The following ZNF420 variants were observed in gnomAD, a reference collection of about 807,000 sequenced individuals.
ZNF420 encodes ATM and p53-associated KZNF protein.
Under a neutral mutation model 44.7 loss-of-function variants are expected in ZNF420, and 31 were observed. That is an observed-to-expected ratio of 0.69 (90% CI 0.52 to 0.94). The LOEUF is 0.94. Among genes scored for constraint, ZNF420 ranks in the 40% least tolerant of loss-of-function variants. ZNF420 has a pLI of 0.00. For missense variants in ZNF420, 681 were observed against 827.9 expected (o/e 0.82, Z 2.18); for synonymous variants, 245 against 267.4 (o/e 0.92, Z 0.82).
In ZNF420 at chr19:37,127,492, T is replaced by C; in HGVS notation, c.501T>C (p.Tyr167=). ...HQSIHTGEKP[Y]ECKQCGKAFS... is the part of the protein sequence containing the mutation. ...GTATTCATACTGGTGAAAAACCCTA[T>C]GAATGTAAGCAATGCGGGAAGGCCT... The change falls in exon 5 of 5, where the codon TAT becomes TAC. Residue 167 remains tyrosine, a synonymous_variant. Transcript: ENST00000337995. 6.2e-7 allele frequency: 1 copy of C among 1,614,036 alleles called. No homozygotes were observed. The highest frequency in any genetic ancestry group is 8.5e-7 in the Non-Finnish European group (1 of 1,179,944).
At chr19:37,071,923 A>C (rs1278534164) in intron 1 of ZNF420, among the ~76,000 whole-genome samples, 4 of 152,254 alleles carry the variant, frequency 2.6e-5, no homozygotes, top group Non-Finnish European at 5.9e-5. Flanking sequence ...TATTTAATAG[A>C]AACTATCTTT....
chr19:37,034,902 AGCCTTGTTCAGAAGATT>A (rs1252576279), intron 1 of ZNF420, among the ~76,000 whole-genome samples: 1 of 152,218 alleles, frequency 6.6e-6, no homozygotes, highest in African/African-American at 2.4e-5. Context: ...ATATTAGGAA[AGCCTTGTTCAGAAGATT>A]GCCTACAGAG....
chr19:37,095,297 T>G (rs543641425), intron 4 of ZNF420, among the ~76,000 whole-genome samples: 2 of 152,290 alleles, frequency 1.3e-5, no homozygotes, highest in East Asian at 3.9e-4. Flanking sequence ...CATGCTTAAT[T>G]TAGTGAAGTC....
chr19:37,053,764 G>A (rs1350864510), intron 1 of ZNF420, among the ~76,000 whole-genome samples: 1 of 152,094 alleles, frequency 6.6e-6, no homozygotes, highest in South Asian at 2.1e-4. Context: ...GTGTCAGTCT[G>A]CCCCTACTGG....
intron 1 of ZNF420, among the ~76,000 whole-genome samples, chr19:37,062,886 T>C (rs749527414): frequency 2.0e-5 from 3 of 152,124 alleles, no homozygotes; most frequent in Non-Finnish European, 4.4e-5. Context: ...TTAGTTAAGA[T>C]CATCTGGAGG....
intron 1 of ZNF420, among the ~76,000 whole-genome samples, chr19:37,047,675 C>A (rs1967566020): frequency 6.6e-6 from 1 of 152,154 alleles, no homozygotes; most frequent in African/African-American, 2.4e-5. Flanking sequence ...TTTTACATTT[C>A]TGTTGCAAGT....
intron 1 of ZNF420, among the ~76,000 whole-genome samples, chr19:37,030,099 T>C (rs1967229893): frequency 6.6e-6 from 1 of 152,202 alleles, no homozygotes; most frequent in Admixed American, 6.5e-5. Context: ...CTGACCCACG[T>C]GTCCTCATTT....
At chr19:37,114,879 A>AT (rs200951252) in intron 4 of ZNF420, 2,237 of 152,232 alleles carry the variant, frequency 0.015, 24 homozygotes, top group African/African-American at 0.028. Context: ...TTCTTTGCCA[A>AT]TTTTTTCCCA....
At chr19:37,070,361 G>T (rs1968037859) in intron 1 of ZNF420, among the ~76,000 whole-genome samples, 1 of 152,028 alleles carries the variant, frequency 6.6e-6, no homozygotes, top group African/African-American at 2.4e-5. Flanking sequence ...TTATGACTTT[G>T]ATATAGAGAA....
At chr19:37,031,501 ATTTTC>A (rs1053532456) in intron 1 of ZNF420, among the ~76,000 whole-genome samples, 2 of 151,152 alleles carry the variant, frequency 1.3e-5, no homozygotes, top group African/African-American at 4.9e-5. Context: ...TTTATTATGC[ATTTTC>A]TTTTCTTTAT....
intron 1 of ZNF420, among the ~76,000 whole-genome samples, chr19:37,050,531 A>G (rs1447000746): frequency 1.3e-5 from 2 of 152,188 alleles, no homozygotes; most frequent in African/African-American, 4.8e-5. Context: ...TTATTGGTAT[A>G]TAAGAATGCT....
At chr19:37,058,687 C>CTG (rs1967803864) in intron 1 of ZNF420, among the ~76,000 whole-genome samples, 1 of 137,380 alleles carries the variant, frequency 7.3e-6, no homozygotes, top group Non-Finnish European at 1.7e-5. Context: ...GGGAGGTCAT[C>CTG]TGTGTCCCCC....
At chr19:37,065,913 C>G (rs1297167399) in intron 1 of ZNF420, among the ~76,000 whole-genome samples, 1 of 152,084 alleles carries the variant, frequency 6.6e-6, no homozygotes, top group African/African-American at 2.4e-5. Context: ...AATAAATGAA[C>G]TTCAACCCCT....
Position 37,127,865 on chromosome 19 carries a change from T to C in ZNF420, c.874T>C (p.Ser292Pro). The C allele has an allele frequency of 6.2e-7, 1 of 1,614,018 alleles. No homozygotes were observed. The highest frequency in any genetic ancestry group is 8.5e-7 in the Non-Finnish European group (1 of 1,179,952). ...ATGTAGGAAGGTCTTTACTCAGCTC[T>C]CACAACTTATTCTGCATAAGAGAAT... ...KECRKVFTQL[S>P]QLILHKRIHT... The change falls in exon 5 of 5, where the codon TCA (serine) becomes CCA (proline). Residue 292 changes from serine to proline, a missense_variant. Physicochemically the swap from Ser to Pro is moderately conservative, Grantham distance 74. Transcript: ENST00000337995.
intron 1 of ZNF420, among the ~76,000 whole-genome samples, chr19:37,054,113 G>A (rs1006500457): frequency 3.9e-5 from 6 of 152,156 alleles, no homozygotes; most frequent in Admixed American, 1.3e-4. Flanking sequence ...TCAGACTGCC[G>A]TGCTAGCAAT....
intron 1 of ZNF420, among the ~76,000 whole-genome samples, chr19:37,065,545 C>A (rs1248963469): frequency 6.6e-6 from 1 of 152,212 alleles, no homozygotes; most frequent in African/African-American, 2.4e-5. Flanking sequence ...TGGCCCTTGG[C>A]TTACAGCCAG....
chr19:37,025,378 TTAAG>T lies in ZNF420; in HGVS notation c.-125+17301_-125+17304del, dbSNP rs1421854746. On this transcript the variant is annotated intron_variant, in intron 1 of 4. Transcript: ENST00000587029. ...TTAAAGTTAACTGTTGTTGTTTTTT[TTAAG>T]TAAGATTGATGTTTTCTCAAAGGTG... The T allele has an allele frequency of 4.8e-5, 8 of 165,566 alleles. No homozygotes were observed. The East Asian group carries it at 1.2e-3, about 24-fold the overall frequency. The allele number at this position is 165,566 out of a possible 1,614,324, so 10.3% of individuals were successfully genotyped here. A position where few individuals can be genotyped will look rare whatever the true frequency, so the allele number is the denominator to read the frequency against.
intron 1 of ZNF420, among the ~76,000 whole-genome samples, chr19:37,045,812 G>A (rs1487545660): frequency 1.3e-5 from 2 of 152,188 alleles, no homozygotes; most frequent in Non-Finnish European, 2.9e-5. Context: ...GTTGGCCCAT[G>A]GACAGTTTAA....
chr19:37,116,957 A>C (rs938620125), intron 4 of ZNF420, among the ~76,000 whole-genome samples: 1 of 152,152 alleles, frequency 6.6e-6, no homozygotes. Flanking sequence ...GCAGCCTGGA[A>C]GCTTGAACTG....
Sources: gnomAD v4.1 joint callset for allele counts (sites outside exome capture counted in the v4.1 genomes callset) on GRCh38, gnomAD v4.1.1 for gene constraint, MANE v1.5 for transcripts, NCBI Gene and HGNC (gene_info 2026-07-23, HGNC 2026-07-21) for gene names.